The following RNF11 variants were observed in gnomAD, a reference collection of about 807,000 sequenced individuals.
The protein encoded by RNF11 is ring finger protein 11.
A neutral mutation model predicts 15.8 loss-of-function variants in RNF11; 4 were observed. The ratio of observed to expected loss-of-function variants is 0.25; its 90% CI spans 0.12 to 0.58. RNF11 has a LOEUF of 0.58. RNF11 is among the 20% of genes least tolerant of loss of function. The pLI, the probability that RNF11 is intolerant of heterozygous loss-of-function variation, is 0.91. For missense variants in RNF11, 139 were observed against 194.4 expected (o/e 0.71, Z 1.70); for synonymous variants, 68 against 72.3 (o/e 0.94, Z 0.30).
chr1:51,243,727 C>G (rs1339962922), intron 1 of RNF11, among the ~76,000 whole-genome samples: 1 of 152,230 alleles, frequency 6.6e-6, no homozygotes, highest in Non-Finnish European at 1.5e-5. Flanking sequence ...GCGTGAGCCA[C>G]CACGCCCGGC....
At position 51,236,590 on chromosome 1, in the gene RNF11, T is replaced by C; in HGVS notation, c.-167T>C. 1.6e-6 allele frequency: 1 copy of C among 608,908 alleles called. No homozygotes were observed. Among genetic ancestry groups the C allele is most frequent in the Non-Finnish European group, 2.4e-6 (1 of 408,620 alleles). The allele number at this position is 608,908 out of a possible 1,614,324, so 37.7% of individuals were successfully genotyped here. Reference sequence around the variant, plus strand: ...GCCTTGATCCCCCAACCCCGGGGGCTGGCATGAGCGGCCCCTCGGCGGCAC... The same window carrying C: ...GCCTTGATCCCCCAACCCCGGGGGCCGGCATGAGCGGCCCCTCGGCGGCAC... On this transcript the variant is annotated 5_prime_UTR_variant, in exon 1 of 3. Transcript: ENST00000242719.
intron 2 of RNF11, among the ~76,000 whole-genome samples, chr1:51,270,920 G>T (rs1646975372): frequency 6.6e-6 from 1 of 152,102 alleles, no homozygotes; most frequent in African/African-American, 2.4e-5. Flanking sequence ...ATTTCTCTTT[G>T]CTCTGTTGAT....
At position 51,250,548 on chromosome 1, in the gene RNF11, A is replaced by AG; in HGVS notation, c.123+13669_123+13670insG. On this transcript the variant is annotated intron_variant, in intron 1 of 2. Transcript: ENST00000242719. ...GGAATTTTTGTTTGAGATTTGTGAC[A>AG]ATTTTTTTTTTTTACGCTTAATTCG... 5 of 573,396 alleles carry AG rather than the reference A, an allele frequency of 8.7e-6. No individual in the cohort carries two copies. The South Asian group carries it at 1.1e-4, about 13-fold the overall frequency. The allele number at this position is 573,396 out of a possible 1,614,324, so 35.5% of individuals were successfully genotyped here.
Position 51,271,505 on chromosome 1 carries a change from A to G in RNF11, c.*183A>G. 1 of 531,396 alleles carries G rather than the reference A, an allele frequency of 1.9e-6. No homozygotes were observed. Among genetic ancestry groups the G allele is most frequent in the Non-Finnish European group, 3.3e-6 (1 of 298,528 alleles). 32.9% of individuals were successfully genotyped at this position (531,396 alleles called of 1,614,324 possible). A position where few individuals can be genotyped will look rare whatever the true frequency, so the allele number is the denominator to read the frequency against. ...GATATTTTAGAAACTTAGTGGGAAA[A>G]GTAGGATGGTATTTTTATGTAAAGC... is the stretch of plus-strand genomic sequence containing the variant. On this transcript the variant is annotated 3_prime_UTR_variant, in exon 3 of 3. Coordinates refer to ENST00000242719, the MANE Select transcript of RNF11 (RefSeq NM_014372.5).
intron 1 of RNF11, among the ~76,000 whole-genome samples, chr1:51,246,498 A>T: frequency 6.6e-6 from 1 of 152,002 alleles, no homozygotes; most frequent in Non-Finnish European, 1.5e-5. Context: ...TGAGCTCAGG[A>T]GTTGGAAGGT....
At chr1:51,250,598 C>T in intron 1 of RNF11, 3 of 664,076 alleles carry the variant, frequency 4.5e-6, no homozygotes, top group South Asian at 1.9e-5. Flanking sequence ...TCTAAAAACC[C>T]TATGTTGTAG....
intron 1 of RNF11, among the ~76,000 whole-genome samples, chr1:51,260,671 C>T (rs1413438450): frequency 6.6e-6 from 1 of 152,048 alleles, no homozygotes; most frequent in African/African-American, 2.4e-5. Context: ...CTTGCACCTA[C>T]TTTTTATTGA....
At chr1:51,244,587 C>T (rs1004274484) in intron 1 of RNF11, among the ~76,000 whole-genome samples, 1 of 152,012 alleles carries the variant, frequency 6.6e-6, no homozygotes, top group African/African-American at 2.4e-5. Context: ...GGGGTTTCAC[C>T]GTGGTCTTGA....
chr1:51,269,803 T>C, intron 1 of RNF11, 153 bp from the exon 2 acceptor site: 1 of 644,306 alleles, frequency 1.6e-6, no homozygotes. Context: ...GTAGCTGAAG[T>C]TAAGGCAGGG....
intron 1 of RNF11, among the ~76,000 whole-genome samples, chr1:51,237,730 A>G (rs1646811634): frequency 6.6e-6 from 1 of 152,174 alleles, no homozygotes; most frequent in South Asian, 2.1e-4. Context: ...TGTGGATGTT[A>G]TAATCCACAA....
At chr1:51,246,246 CAA>C (rs1166912681) in intron 1 of RNF11, among the ~76,000 whole-genome samples, 1 of 151,866 alleles carries the variant, frequency 6.6e-6, no homozygotes, top group Non-Finnish European at 1.5e-5. Context: ...GCCTGGGCAA[CAA>C]GAGTGAAACT....
At chr1:51,247,191 A>G (rs1646855991) in intron 1 of RNF11, among the ~76,000 whole-genome samples, 1 of 152,070 alleles carries the variant, frequency 6.6e-6, no homozygotes, top group South Asian at 2.1e-4. Context: ...GCTGGCTTAG[A>G]TAGCCACAGT....
At chr1:51,239,299 G>A (rs1646818747) in intron 1 of RNF11, among the ~76,000 whole-genome samples, 1 of 152,194 alleles carries the variant, frequency 6.6e-6, no homozygotes, top group Non-Finnish European at 1.5e-5. Flanking sequence ...GATGAGGGAT[G>A]AGGGGTTTTT....
chr1:51,260,513 T>C (rs773272681), intron 1 of RNF11, among the ~76,000 whole-genome samples: 1 of 152,200 alleles, frequency 6.6e-6, no homozygotes, highest in Admixed American at 6.5e-5. Flanking sequence ...TGAAATGACT[T>C]CTGAGCACAT....
At position 51,270,108 on chromosome 1, in the gene RNF11, A is replaced by G. The variant is rs1343484946; in HGVS notation, c.276A>G (p.Ser92=). 4.4e-6 allele frequency: 7 copies of G among 1,594,632 alleles called. No homozygotes were observed. The highest frequency in any genetic ancestry group is 5.1e-6 in the Non-Finnish European group (6 of 1,174,736). Residue 92 remains serine, a synonymous_variant, in exon 2 of 3, where the codon TCA becomes TCG. Coordinates refer to ENST00000242719, the MANE Select transcript of RNF11 (RefSeq NM_014372.5). The stretch of plus-strand genomic sequence containing the variant: ...TTTATGACCCTGGAAGAGATGGATC[A>G]GAAAAAAAGATCCGGGAGTAAGTTT... ...KGVYDPGRDG[S]EKKIRECVIC... is the part of the protein sequence containing the mutation.
intron 1 of RNF11, among the ~76,000 whole-genome samples, chr1:51,252,888 G>A (rs1416419152): frequency 4.0e-5 from 6 of 151,212 alleles, no homozygotes; most frequent in South Asian, 2.1e-4. Context: ...GTGCAGTGGC[G>A]CGATCTTGGC....
At chr1:51,248,444 C>T (rs1411965151) in intron 1 of RNF11, among the ~76,000 whole-genome samples, 3 of 151,892 alleles carry the variant, frequency 2.0e-5, no homozygotes, top group Non-Finnish European at 4.4e-5. Context: ...TCAGGTGATC[C>T]GCTCGCCTCG....
chr1:51,257,654 C>T (rs1646909850), intron 1 of RNF11, among the ~76,000 whole-genome samples: 1 of 151,654 alleles, frequency 6.6e-6, no homozygotes, highest in Non-Finnish European at 1.5e-5. Flanking sequence ...GATGGGGTTT[C>T]GCCACATTGC....
chr1:51,236,661 C>T lies in RNF11; in HGVS notation c.-96C>T. 1.9e-6 allele frequency: 3 copies of T among 1,542,336 alleles called. No homozygotes were observed. The highest frequency in any genetic ancestry group is 2.3e-5 in the East Asian group (1 of 43,090). ...TCCGCCTGATCCCCGGCCTGTCGCCCGACCCCACCTCGCCAACCGAGGCGG... is the reference window on the plus strand; with the variant it reads ...TCCGCCTGATCCCCGGCCTGTCGCCTGACCCCACCTCGCCAACCGAGGCGG... On this transcript the variant is annotated 5_prime_UTR_variant, in exon 1 of 3. Coordinates refer to ENST00000242719, the MANE Select transcript of RNF11 (RefSeq NM_014372.5).
Sources: gnomAD v4.1 joint callset for allele counts (sites outside exome capture counted in the v4.1 genomes callset) on GRCh38, gnomAD v4.1.1 for gene constraint, MANE v1.5 for transcripts, NCBI Gene and HGNC (gene_info 2026-07-23, HGNC 2026-07-21) for gene names.